Variants in SAE1 observed in about 807,000 individuals in gnomAD.
SAE1 encodes the protein SUMO-activating enzyme subunit 1.
SAE1 carries 11 observed loss-of-function variants against 40.6 expected under a neutral mutation model. The ratio of observed to expected loss-of-function variants is 0.27; its 90% confidence interval spans 0.17 to 0.45. The LOEUF is 0.45. Among genes scored for constraint, SAE1 ranks in the 20% least tolerant of loss-of-function variants. The probability of loss-of-function intolerance (pLI) is 1.00; values close to 1 mark genes in which losing one functional copy is unlikely to be tolerated. For synonymous variants in SAE1, 155 were observed against 154.3 expected, an observed-to-expected ratio of 1.00 and a Z score of -0.03; for missense variants, 373 against 427.3, an observed-to-expected ratio of 0.87 and a Z score of 1.12.
intron 5 of SAE1, among the ~76,000 whole-genome samples, chr19:47,165,694 T>G (rs747127843): frequency 9.9e-5 from 15 of 152,226 alleles, no homozygotes; most frequent in Non-Finnish European, 2.1e-4. Flanking sequence ...AGGTACCACC[T>G]TTTGCATCTG....
At chr19:47,166,261 G>C (rs1025265578) in intron 5 of SAE1, among the ~76,000 whole-genome samples, 1 of 152,152 alleles carries the variant, frequency 6.6e-6, no homozygotes, top group Admixed American at 6.6e-5. Context: ...CCAGGCATGG[G>C]AAGAGAAGTG....
rs1327729576 is a variant in SAE1, at chr19:47,202,678, C to CT, written c.879-993_879-992insT. 2.0e-5 allele frequency among the ~76,000 whole-genome samples: 3 copies of CT among 151,570 alleles called. No homozygotes were observed. The East Asian group carries it at 6.0e-4, about 30-fold the overall frequency. ...CCTGTAATCCCAGCGCTTTGGGAGG[C>CT]CGAGGCGGGCGGATCACGAGGTCAA... On this transcript the variant is annotated intron_variant, in intron 7 of 8. Transcript: ENST00000270225.
intron 8 of SAE1, among the ~76,000 whole-genome samples, chr19:47,205,320 CT>C (rs11291244): frequency 0.57 from 73,753 of 129,012 alleles, 20,611 homozygotes; most frequent in African/African-American, 0.74. Flanking sequence ...CCTAAGGCTA[CT>C]TTTTTTTTTT....
chr19:47,180,403 C>A, intron 6 of SAE1: 1 of 374,650 alleles, frequency 2.7e-6, no homozygotes, highest in Non-Finnish European at 5.3e-6. Flanking sequence ...TTAATGTAAA[C>A]AAGGAATTAT....
chr19:47,168,804 A>C (rs980810351), intron 5 of SAE1, among the ~76,000 whole-genome samples: 1 of 152,044 alleles, frequency 6.6e-6, no homozygotes, highest in Admixed American at 6.6e-5. Flanking sequence ...GGGTTTCACT[A>C]TGTTGGTCAG....
intron 5 of SAE1, among the ~76,000 whole-genome samples, chr19:47,165,018 C>G (rs1180230619): frequency 1.3e-5 from 2 of 149,750 alleles, no homozygotes; most frequent in Admixed American, 1.3e-4. Flanking sequence ...AACTCCAGAC[C>G]TTGTGATCCA....
intron 1 of SAE1, 43 bp from the exon 2 acceptor site, chr19:47,143,451 C>T (rs767070102): frequency 6.1e-6 from 9 of 1,477,190 alleles, no homozygotes; most frequent in Non-Finnish European, 8.5e-6. Flanking sequence ...ATTCTGCAAG[C>T]TCACTGTTCT....
At chr19:47,199,733 A>T (rs2058640552) in intron 7 of SAE1, among the ~76,000 whole-genome samples, 2 of 152,294 alleles carry the variant, frequency 1.3e-5, no homozygotes, top group African/African-American at 2.4e-5. Flanking sequence ...GAAGCCCTGC[A>T]TGACCCAGTC....
chr19:47,172,777 AAAG>A (rs1320427953), intron 6 of SAE1, among the ~76,000 whole-genome samples: 2 of 151,664 alleles, frequency 1.3e-5, no homozygotes, highest in African/African-American at 4.9e-5. Flanking sequence ...CAAAAAAAAA[AAAG>A]AGAAAAGAAA....
chr19:47,135,372 C>A (rs908365457), intron 1 of SAE1, among the ~76,000 whole-genome samples: 1 of 152,126 alleles, frequency 6.6e-6, no homozygotes, highest in Non-Finnish European at 1.5e-5. Flanking sequence ...CTACTATCTG[C>A]ATGAGTTCAA....
At position 47,169,893 on chromosome 19, in the gene SAE1, C is replaced by T. The variant is rs773917899; in HGVS notation, c.703C>T (p.Arg235Cys). 11 of 1,613,912 alleles carry T rather than the reference C, an allele frequency of 6.8e-6. No homozygotes were observed. The East Asian group carries it at 8.9e-5, about 13-fold the overall frequency. ...SSEKAKAALK[R>C]TTSDYFLLQV... ...TGAGAAAGCAAAGGCTGCTCTGAAG[C>T]GCACGACCTCCGACTACTTTCTCCT... The change falls in exon 6 of 9, where the codon CGC (arginine) becomes TGC (cysteine). Residue 235 changes from arginine (R) to cysteine (C), a missense_variant. Transcript: ENST00000270225.
intron 6 of SAE1, among the ~76,000 whole-genome samples, chr19:47,174,977 G>T (rs1163920586): frequency 6.6e-6 from 1 of 152,090 alleles, no homozygotes; most frequent in Non-Finnish European, 1.5e-5. Context: ...CCAAAGTGCT[G>T]AGATTACAGG....
intron 6 of SAE1, among the ~76,000 whole-genome samples, chr19:47,174,287 TTTTTTC>T (rs1000800772): frequency 1.3e-4 from 20 of 151,550 alleles, no homozygotes; most frequent in South Asian, 4.1e-4. Context: ...ATTTCTTTTC[TTTTTTC>T]TTTTTCTTTT....
At chr19:47,146,173 G>A (rs1353760247) in intron 2 of SAE1, among the ~76,000 whole-genome samples, 7 of 152,128 alleles carry the variant, frequency 4.6e-5, no homozygotes, top group Non-Finnish European at 1.0e-4. Flanking sequence ...ACCCAAAGTG[G>A]TGGGTAGGGA....
Position 47,203,695 on chromosome 19 carries a change from A to C in SAE1, c.903A>C (p.Pro301=). 1.2e-6 allele frequency: 2 copies of C among 1,613,948 alleles called. No individual in the cohort carries two copies. Among genetic ancestry groups the C allele is most frequent in the South Asian group, 1.1e-5 (1 of 91,046 alleles). The part of the protein sequence containing the change: ...FVRYCFSEMA[P]VCAVVGGILA... Reference sequence around the variant, plus strand: ...GGTACTGCTTCTCCGAGATGGCCCCAGTGTGTGCGGTGGTTGGAGGGATTT... The same window carrying C: ...GGTACTGCTTCTCCGAGATGGCCCCCGTGTGTGCGGTGGTTGGAGGGATTT... The change falls in exon 8 of 9, where the codon CCA becomes CCC. Residue 301 remains proline (P), a synonymous_variant. Transcript: ENST00000270225.
At chr19:47,135,920 C>T (rs951554659) in intron 1 of SAE1, among the ~76,000 whole-genome samples, 2 of 151,846 alleles carry the variant, frequency 1.3e-5, no homozygotes, top group African/African-American at 4.8e-5. Context: ...TCTCCTGCCT[C>T]AGCCTCCCTA....
At chr19:47,149,407 G>T (rs2058273761) in intron 2 of SAE1, among the ~76,000 whole-genome samples, 1 of 151,854 alleles carries the variant, frequency 6.6e-6, no homozygotes, top group South Asian at 2.1e-4. Flanking sequence ...CTGACCTCAG[G>T]TGATCCTCCT....
At chr19:47,155,495 T>C (rs920370747) in intron 5 of SAE1, among the ~76,000 whole-genome samples, 3 of 152,068 alleles carry the variant, frequency 2.0e-5, no homozygotes, top group Non-Finnish European at 2.9e-5. Flanking sequence ...GAATTTTTTC[T>C]TGTCGCTCAG....
At chr19:47,156,000 A>G (rs2058322125) in intron 5 of SAE1, among the ~76,000 whole-genome samples, 2 of 151,808 alleles carry the variant, frequency 1.3e-5, no homozygotes, top group Non-Finnish European at 1.5e-5. Flanking sequence ...CAGCCCCACA[A>G]AGTGCTGGGA....
Sources: allele counts gnomAD v4.1 joint callset (sites outside exome capture counted in the v4.1 genomes callset), GRCh38; gene constraint gnomAD v4.1.1; transcripts MANE v1.5; gene names NCBI Gene and HGNC (gene_info 2026-07-23, HGNC 2026-07-21).